The following MMAB variants were observed in gnomAD, a reference collection of about 807,000 sequenced individuals.
MMAB encodes corrinoid adenosyltransferase MMAB.
Under a neutral mutation model 30.6 loss-of-function variants are expected in MMAB, and 17 were observed. The ratio of observed to expected loss-of-function variants is 0.56; its 90% confidence interval spans 0.38 to 0.83. The LOEUF (loss-of-function observed/expected upper bound fraction) is 0.83. MMAB is among the 40% of genes least tolerant of loss of function. The pLI is 0.00. For synonymous variants in MMAB, 134 were observed against 138.6 expected, an observed-to-expected ratio of 0.97 and a Z score of 0.23; for missense variants, 311 against 331.6, an observed-to-expected ratio of 0.94 and a Z score of 0.48.
At chr12:109,565,639 G>A (rs999397008) in intron 3 of MMAB, among the ~76,000 whole-genome samples, 1 of 152,234 alleles carries the variant, frequency 6.6e-6, no homozygotes, top group Non-Finnish European at 1.5e-5. Context: ...ACACCTTCAT[G>A]TTCAGGAGCG....
At chr12:109,560,946 T>G in intron 7 of MMAB, 94 bp downstream of exon 7, 2 of 1,179,868 alleles carry the variant, frequency 1.7e-6, no homozygotes, top group Non-Finnish European at 2.4e-6. Flanking sequence ...CCTCTCCCTC[T>G]CCCCATCTCC....
intron 3 of MMAB, 147 bp downstream of exon 3, chr12:109,568,623 C>T (rs971368184): frequency 2.3e-5 from 17 of 743,122 alleles, no homozygotes; most frequent in East Asian, 1.0e-4. Context: ...GTGGAGCTGA[C>T]CAGCCTGTGC....
In MMAB at chr12:109,565,114, C is replaced by G; in HGVS notation, c.348+5G>C. On this transcript the variant is annotated splice_donor_5th_base_variant and intron_variant, in intron 4 of 8. Coordinates refer to ENST00000545712, the MANE Select transcript of MMAB (RefSeq NM_052845.4). Reference sequence around the variant, plus strand: ...TCCCAGCTTGGGTGAGATGGTGTTACTCACTTTCTGAAGCTCTTCGGCAAA... The same window carrying G: ...TCCCAGCTTGGGTGAGATGGTGTTAGTCACTTTCTGAAGCTCTTCGGCAAA... The G allele has an allele frequency of 6.2e-7, 1 of 1,612,632 alleles. No homozygotes were observed. The highest frequency in any genetic ancestry group is 1.1e-5 in the South Asian group (1 of 91,040).
Position 109,558,780 on chromosome 12 carries a change from C to A in MMAB, c.644+316G>T, listed in dbSNP as rs1281988565. Among the ~76,000 whole-genome samples the A allele has an allele frequency of 1.3e-5, 2 of 151,994 alleles. No individual in the cohort carries two copies. Among genetic ancestry groups the A allele is most frequent in the African/African-American group, 2.4e-5 (1 of 41,368 alleles). On this transcript the variant is annotated intron_variant, in intron 8 of 8. Coordinates refer to ENST00000545712, the MANE Select transcript of MMAB (RefSeq NM_052845.4). This position sits in a 1 kb window ranked among gnomAD's most constrained non-coding sequence, Gnocchi z 4.3. ...ACCACCGAGAGGCCTCCCCTGAGCACCCAGCCTCTAAGAACGCCCTTTGCC... is the reference window on the plus strand; with the variant it reads ...ACCACCGAGAGGCCTCCCCTGAGCAACCAGCCTCTAAGAACGCCCTTTGCC...
In MMAB at chr12:109,557,152, G is replaced by A; in HGVS notation, c.645-16C>T. On this transcript the variant is annotated splice_polypyrimidine_tract_variant and intron_variant, in intron 8 of 8. Coordinates refer to ENST00000545712, the MANE Select transcript of MMAB (RefSeq NM_052845.4). ...GTCACTGAGTCTGGAGGGGCAGAGA[G>A]AGAGAAGCAAACAGAATGGTTTGAA... The A allele has an allele frequency of 2.6e-6, 4 of 1,539,712 alleles. No individual in the cohort carries two copies. The highest frequency in any genetic ancestry group is 3.6e-6 in the Non-Finnish European group (4 of 1,112,166).
Position 109,553,875 on chromosome 12 carries a change from A to G in MMAB, c.*3153T>C, listed in dbSNP as rs1328897037. On this transcript the variant is annotated 3_prime_UTR_variant, in exon 9 of 9. Coordinates refer to ENST00000545712, the MANE Select transcript of MMAB (RefSeq NM_052845.4). ...GTGTCGAGGCAGCAGCAAGGGTGAC[A>G]TTGCCACTGACGGGGGCTTCCGAAC... 1 of 454,114 alleles carries G rather than the reference A, an allele frequency of 2.2e-6. No individual in the cohort carries two copies. The highest frequency in any genetic ancestry group is 4.4e-6 in the Non-Finnish European group (1 of 226,786). 28.1% of individuals were successfully genotyped at this position (454,114 alleles called of 1,614,324 possible). A position where few individuals can be genotyped will look rare whatever the true frequency, so the allele number is the denominator to read the frequency against.
At position 109,559,183 on chromosome 12, in the gene MMAB, G is replaced by A. The variant is rs369761125; in HGVS notation, c.585-28C>T. The A allele has an allele frequency of 6.4e-6, 10 of 1,564,566 alleles. No homozygotes were observed. In the East Asian group the frequency reaches 6.7e-5, roughly 11 times the overall value. ...AGAAAGGGAGGAGACACTGAGTCAC[G>A]TGACATTATGGGGCTCAACAGGCTC... On this transcript the variant is annotated intron_variant, in intron 7 of 8. Transcript: ENST00000545712.
At chr12:109,566,203 A>G (rs770295922) in intron 3 of MMAB, among the ~76,000 whole-genome samples, 3 of 152,200 alleles carry the variant, frequency 2.0e-5, no homozygotes, top group Admixed American at 6.5e-5. Context: ...TCACTCTCCT[A>G]TCACCTACTG....
chr12:109,571,771 C>A, intron 1 of MMAB, 61 bp from the exon 2 acceptor site: 1 of 1,414,302 alleles, frequency 7.1e-7, no homozygotes. Context: ...AGGGTCAGCT[C>A]CTTCAGAGGG....
chr12:109,560,913 CT>C (rs1229464628), intron 7 of MMAB, 126 bp downstream of exon 7: 9 of 950,494 alleles, frequency 9.5e-6, no homozygotes, highest in Non-Finnish European at 1.5e-5. Context: ...CTGTACCTGC[CT>C]CCTGCCCGCT....
chr12:109,560,415 T>C (rs371824984), intron 7 of MMAB, among the ~76,000 whole-genome samples: 2 of 152,368 alleles, frequency 1.3e-5, no homozygotes, highest in African/African-American at 2.4e-5. Context: ...TGCCAGTCCA[T>C]TGGATCAAAG....
intron 8 of MMAB, 121 bp from the exon 9 acceptor site, chr12:109,557,257 T>G (rs1267562941): frequency 1.3e-6 from 1 of 764,086 alleles, no homozygotes; most frequent in Non-Finnish European, 2.3e-6. Context: ...GGGCACATTG[T>G]GCAGGGAGGG....
Position 109,561,589 on chromosome 12 carries a change from G to T in MMAB, c.422-72C>A. The T allele has an allele frequency of 1.5e-6, 2 of 1,378,726 alleles. No homozygotes were observed. The highest frequency in any genetic ancestry group is 1.0e-6 in the Non-Finnish European group (1 of 1,000,038). 85.4% of individuals were successfully genotyped at this position (1,378,726 alleles called of 1,614,324 possible). A position where few individuals can be genotyped will look rare whatever the true frequency, so the allele number is the denominator to read the frequency against. ...CCAGACCATGGCGGGAACCACCCCC[G>T]CCGCCCTTCCACCTGGGTGTCCCGC... On this transcript the variant is annotated intron_variant, in intron 5 of 8. Transcript: ENST00000545712. This position sits in a 1 kb window ranked among gnomAD's most constrained non-coding sequence, Gnocchi z 5.3.
Position 109,554,330 on chromosome 12 carries a change from G to A in MMAB, c.*2698C>T, listed in dbSNP as rs2136188303. 1 of 454,064 alleles carries A rather than the reference G, an allele frequency of 2.2e-6. No homozygotes were observed. 28.1% of individuals were successfully genotyped at this position (454,064 alleles called of 1,614,324 possible). On this transcript the variant is annotated 3_prime_UTR_variant, in exon 9 of 9. Transcript: ENST00000545712. ...GACTGTGGGCTTCTCTCTGACACAA[G>A]AGCCAACTGCCAGCTTGTCTCTGGA...
In MMAB at chr12:109,573,423, C is replaced by G. The variant is rs1566139259; in HGVS notation, c.58G>C (p.Gly20Arg). 6.2e-7 allele frequency: 1 copy of G among 1,609,914 alleles called. No homozygotes were observed. The highest frequency in any genetic ancestry group is 1.7e-5 in the Admixed American group (1 of 59,770). Residue 20 changes from glycine to arginine, a missense_variant, in exon 1 of 9, where the codon GGG becomes CGG. By Grantham distance (125) the Gly-to-Arg change is moderately radical (BLOSUM62 -2). Transcript: ENST00000545712. ...LGLGSRLGLR[G>R]CFGAARLLYP... ...AGGAGCCTGGCGGCGCCGAAGCACC[C>G]GCGCAGGCCAAGACGGCTCCCCAGG...
intron 7 of MMAB, among the ~76,000 whole-genome samples, chr12:109,560,558 T>C (rs1884155339): frequency 6.6e-6 from 1 of 152,200 alleles, no homozygotes; most frequent in Non-Finnish European, 1.5e-5. Context: ...AGGTGGTGGC[T>C]AGTCTGCTGA....
In MMAB at chr12:109,561,573, G is replaced by T; in HGVS notation, c.422-56C>A. On this transcript the variant is annotated intron_variant, in intron 5 of 8. Transcript: ENST00000545712. This position sits in a 1 kb window ranked among gnomAD's most constrained non-coding sequence, Gnocchi z 5.3. ...ATGAGGCCATCACCCACCAGACCAT[G>T]GCGGGAACCACCCCCGCCGCCCTTC... The T allele has an allele frequency of 2.0e-6, 3 of 1,466,846 alleles. No homozygotes were observed. The highest frequency in any genetic ancestry group is 1.2e-5 in the South Asian group (1 of 82,446). 90.9% of individuals were successfully genotyped at this position (1,466,846 alleles called of 1,614,324 possible).
At position 109,561,600 on chromosome 12, in the gene MMAB, A is replaced by T. The variant is rs1275005928; in HGVS notation, c.422-83T>A. 21 of 1,320,424 alleles carry T rather than the reference A, an allele frequency of 1.6e-5. No individual in the cohort carries two copies. The highest frequency in any genetic ancestry group is 2.0e-5 in the Non-Finnish European group (19 of 946,850). 81.8% of individuals were successfully genotyped at this position (1,320,424 alleles called of 1,614,324 possible). Reference sequence around the variant, plus strand: ...CGGGAACCACCCCCGCCGCCCTTCCACCTGGGTGTCCCGCAGACTGCTTCC... The same window carrying T: ...CGGGAACCACCCCCGCCGCCCTTCCTCCTGGGTGTCCCGCAGACTGCTTCC... On this transcript the variant is annotated intron_variant, in intron 5 of 8. Coordinates refer to ENST00000545712, the MANE Select transcript of MMAB (RefSeq NM_052845.4). The surrounding 1 kb of genome is among the most constrained non-coding windows in gnomAD (Gnocchi z 5.3).
rs748437834 is a variant in MMAB at position 109,555,290 on chromosome 12, T to TTTTTG, written c.*1737_*1738insCAAAA. ...CGTTTTCAGGGTTTTTTTTTTTTTT[T>TTTTTG]TTTTTTTTTTGTGACGGAGTCTCAC... On this transcript the variant is annotated 3_prime_UTR_variant, in exon 9 of 9. Transcript: ENST00000545712. The TTTTTG allele has an allele frequency of 2.4e-6, 1 of 418,578 alleles. No homozygotes were observed. The highest frequency in any genetic ancestry group is 4.7e-6 in the Non-Finnish European group (1 of 214,344). 25.9% of individuals were successfully genotyped at this position (418,578 alleles called of 1,614,324 possible).
Sources: gnomAD v4.1 joint callset for allele counts (sites outside exome capture counted in the v4.1 genomes callset) on GRCh38, gnomAD v4.1.1 for gene constraint, Gnocchi (gnomAD v3.1) non-coding constraint, MANE v1.5 for transcripts, NCBI Gene and HGNC (gene_info 2026-07-23, HGNC 2026-07-21) for gene names.